LPP: variants seen among roughly 807,000 people sequenced by gnomAD.
LPP encodes the protein LIM domain containing preferred translocation partner in lipoma, also known as lipoma-preferred partner.
LPP carries 38 observed loss-of-function variants against 60.4 expected under a neutral mutation model. The observed-to-expected ratio is 0.63, with a 90% CI of 0.49 to 0.83. LPP has a LOEUF of 0.83. Among genes scored for constraint, LPP ranks in the 40% least tolerant of loss-of-function variants. The pLI, the probability that LPP is intolerant of heterozygous loss-of-function variation, is 0.00. For synonymous variants in LPP, 328 were observed against 290.8 expected (o/e 1.13, Z -1.30); for missense variants, 902 against 783.6 (o/e 1.15, Z -1.80).
At chr3:188,545,780 A>T (rs1398098621) in intron 6 of LPP, among the ~76,000 whole-genome samples, 1 of 152,118 alleles carries the variant, frequency 6.6e-6, no homozygotes, top group South Asian at 2.1e-4. Context: ...CATTGTTATG[A>T]CTTAGTTTTA....
intron 2 of LPP, among the ~76,000 whole-genome samples, chr3:188,339,456 T>TA (rs1167663637): frequency 6.6e-6 from 1 of 152,184 alleles, no homozygotes; most frequent in African/African-American, 2.4e-5. Flanking sequence ...AGAGACCACG[T>TA]AATTTATAAA....
chr3:188,749,965 G>A (rs547715161), intron 8 of LPP, among the ~76,000 whole-genome samples: 1 of 152,260 alleles, frequency 6.6e-6, no homozygotes, highest in Admixed American at 6.5e-5. Flanking sequence ...CTGAGACTGG[G>A]TAATTTATAA....
intron 3 of LPP, among the ~76,000 whole-genome samples, chr3:188,354,724 C>T (rs1314239411): frequency 1.3e-5 from 2 of 152,220 alleles, no homozygotes; most frequent in African/African-American, 2.4e-5. Context: ...CTTCAGCCCT[C>T]ATTGATACCC....
At chr3:188,536,895 G>A (rs907510934) in intron 6 of LPP, among the ~76,000 whole-genome samples, 2 of 152,156 alleles carry the variant, frequency 1.3e-5, no homozygotes, top group Admixed American at 1.3e-4. Flanking sequence ...CTTAGATACT[G>A]CTAGAGGTGC....
At chr3:188,816,198 CTT>C (rs34839724) in intron 9 of LPP, among the ~76,000 whole-genome samples, 2,251 of 103,708 alleles carry the variant, frequency 0.022, 25 homozygotes, top group African/African-American at 0.076. Flanking sequence ...GCTTCCTTCT[CTT>C]TTTTTTTTTT....
rs1770626821 is a variant in LPP, at chr3:188,886,092, A to G, written c.*11613A>G. ...CACATGTTCTCACTCACAGGTGGGA[A>G]TTGAACAATGAGAACACATGGACAC... On this transcript the variant is annotated 3_prime_UTR_variant, in exon 12 of 12. Transcript: ENST00000617246. 6.7e-6 allele frequency: 1 copy of G among 148,774 alleles called. No homozygotes were observed. Among genetic ancestry groups the G allele is most frequent in the Non-Finnish European group, 1.5e-5 (1 of 66,952 alleles). 9.2% of individuals were successfully genotyped at this position (148,774 alleles called of 1,614,324 possible). A position where few individuals can be genotyped will look rare whatever the true frequency, so the allele number is the denominator to read the frequency against.
At chr3:188,215,894 C>A (rs1560118348) in intron 1 of LPP, among the ~76,000 whole-genome samples, 1 of 152,302 alleles carries the variant, frequency 6.6e-6, no homozygotes, top group East Asian at 1.9e-4. Context: ...TTACACCTTG[C>A]TATGGCATTT....
chr3:188,843,322 G>A (rs572294179), intron 9 of LPP, among the ~76,000 whole-genome samples: 1 of 152,266 alleles, frequency 6.6e-6, no homozygotes, highest in African/African-American at 2.4e-5. Context: ...TGTGAAGTGG[G>A]AAGGGTACTG....
At chr3:188,850,314 G>T (rs1188982891) in intron 9 of LPP, among the ~76,000 whole-genome samples, 1 of 152,126 alleles carries the variant, frequency 6.6e-6, no homozygotes, top group African/African-American at 2.4e-5. Context: ...TACCTGATGA[G>T]ATATAGGAAA....
rs34173936 is a variant in LPP at position 188,184,685 on chromosome 3, CTT to C, written c.-190+30452_-190+30453del. On this transcript the variant is annotated intron_variant, in intron 1 of 11. Coordinates refer to ENST00000617246, the MANE Select transcript of LPP (RefSeq NM_001375462.1). ...TTAAAGTGAATAGGGCTCCGGTAAA[CTT>C]TTTTTTTTTTTTTTTTTTAGGATAG... is the stretch of plus-strand genomic sequence containing the variant. Among the ~76,000 whole-genome samples, 303 of 124,594 alleles carry C rather than the reference CTT, an allele frequency of 2.4e-3. 1 individual carries two copies. The highest frequency in any genetic ancestry group is 0.016 in the East Asian group (67 of 4,182). The allele number at this position is 124,594 out of a possible 152,430, so 81.7% of individuals were successfully genotyped here. A position where few individuals can be genotyped will look rare whatever the true frequency, so the allele number is the denominator to read the frequency against.
chr3:188,257,185 C>T (rs1424650480), intron 2 of LPP, among the ~76,000 whole-genome samples: 2 of 152,190 alleles, frequency 1.3e-5, no homozygotes, highest in Non-Finnish European at 2.9e-5. Context: ...TATAGTAAGA[C>T]TTTAATTTCC....
At chr3:188,342,986 T>C (rs1763439999) in intron 3 of LPP, among the ~76,000 whole-genome samples, 1 of 152,188 alleles carries the variant, frequency 6.6e-6, no homozygotes, top group South Asian at 2.1e-4. Context: ...ATAAGCTAGT[T>C]TACCCAGGAA....
At chr3:188,159,949 G>A (rs1042811706) in intron 1 of LPP, among the ~76,000 whole-genome samples, 3 of 152,264 alleles carry the variant, frequency 2.0e-5, no homozygotes, top group South Asian at 2.1e-4. Context: ...GTCACACTTT[G>A]TCACACAAGC....
chr3:188,721,270 G>A (rs1446052743), intron 8 of LPP, among the ~76,000 whole-genome samples: 4 of 151,868 alleles, frequency 2.6e-5, no homozygotes, highest in Non-Finnish European at 5.9e-5. Flanking sequence ...TTAAAAATAC[G>A]GCTGGAATTA....
chr3:188,568,877 C>T (rs1832837554), intron 6 of LPP, among the ~76,000 whole-genome samples: 1 of 151,852 alleles, frequency 6.6e-6, no homozygotes, highest in Non-Finnish European at 1.5e-5. Flanking sequence ...CAGACAGTGG[C>T]TGCAGGGCCT....
chr3:188,306,564 C>T (rs949905286), intron 2 of LPP, among the ~76,000 whole-genome samples: 6 of 152,144 alleles, frequency 3.9e-5, no homozygotes, highest in Non-Finnish European at 5.9e-5. Context: ...ACTTTAGAGT[C>T]GTGGGTGCAG....
chr3:188,441,849 C>T (rs1794054247), intron 4 of LPP, among the ~76,000 whole-genome samples: 1 of 151,872 alleles, frequency 6.6e-6, no homozygotes, highest in Admixed American at 6.6e-5. Context: ...TGGTCTCCAT[C>T]TCCTGACCTC....
chr3:188,569,538 T>C (rs755704763), intron 6 of LPP, among the ~76,000 whole-genome samples: 3 of 152,050 alleles, frequency 2.0e-5, no homozygotes, highest in Non-Finnish European at 4.4e-5. Flanking sequence ...ATAAAAGATA[T>C]GGATTGGTAA....
chr3:188,228,051 G>GC (rs1163543101), intron 2 of LPP, among the ~76,000 whole-genome samples: 1 of 152,188 alleles, frequency 6.6e-6, no homozygotes, highest in Non-Finnish European at 1.5e-5. Context: ...GACCTCTTTA[G>GC]CCCCCCTGTC....
Sources: allele counts gnomAD v4.1 joint callset (sites outside exome capture counted in the v4.1 genomes callset), GRCh38; gene constraint gnomAD v4.1.1; transcripts MANE v1.5; gene names NCBI Gene and HGNC (gene_info 2026-07-23, HGNC 2026-07-21).